MACROD2: variants seen among roughly 807,000 people sequenced by gnomAD.
The protein encoded by MACROD2 is mono-ADP ribosylhydrolase 2.
Under a neutral mutation model 70.4 loss-of-function variants are expected in MACROD2, and 36 were observed. The observed-to-expected ratio is 0.51, with a 90% confidence interval of 0.39 to 0.68. The LOEUF is 0.68. Ranked by LOEUF, MACROD2 falls within the 30% of genes least tolerant of loss-of-function variation. The probability of loss-of-function intolerance (pLI) is 0.00; values close to 1 mark genes in which losing one functional copy is unlikely to be tolerated. For synonymous variants in MACROD2, 172 were observed against 178.8 expected (o/e 0.96, Z 0.30); for missense variants, 496 against 538.4 (o/e 0.92, Z 0.78).
chr20:14,238,072 G>A (rs1252078449), intron 3 of MACROD2, among the ~76,000 whole-genome samples: 1 of 152,128 alleles, frequency 6.6e-6, no homozygotes, highest in Non-Finnish European at 1.5e-5. Context: ...TAATGGGATG[G>A]CTGGGTCAAA....
In MACROD2 at chr20:14,562,390, T is replaced by A. The variant is rs573063012; in HGVS notation, c.301+68882T>A. ...CTTGCTTCTTCTTTTGAATTCAACATTATCTTAAGTTGGTATATTTATTGT... is the reference window on the plus strand; with the variant it reads ...CTTGCTTCTTCTTTTGAATTCAACAATATCTTAAGTTGGTATATTTATTGT... On this transcript the variant is annotated intron_variant, in intron 4 of 17. Transcript: ENST00000684519. 1.3e-4 allele frequency among the ~76,000 whole-genome samples: 20 copies of A among 152,074 alleles called. 1 individual carries two copies. The South Asian group carries it at 1.4e-3, about 11-fold the overall frequency.
intron 8 of MACROD2, among the ~76,000 whole-genome samples, chr20:15,603,923 T>G (rs1353011339): frequency 6.6e-6 from 1 of 152,226 alleles, no homozygotes; most frequent in Non-Finnish European, 1.5e-5. Context: ...GGAATTGAAC[T>G]TTGGAATAAC....
At chr20:15,894,260 C>G (rs2064935912) in intron 10 of MACROD2, among the ~76,000 whole-genome samples, 1 of 152,144 alleles carries the variant, frequency 6.6e-6, no homozygotes, top group African/African-American at 2.4e-5. Flanking sequence ...GAGTTCAGAA[C>G]CAATCGAGAA....
At chr20:15,517,258 T>C (rs1277496510) in intron 8 of MACROD2, among the ~76,000 whole-genome samples, 2 of 152,038 alleles carry the variant, frequency 1.3e-5, no homozygotes, top group African/African-American at 4.8e-5. Context: ...ACCACCACAT[T>C]TGCAGGTCCC....
chr20:16,000,969 AC>A (rs2066701263), intron 15 of MACROD2, among the ~76,000 whole-genome samples: 1 of 152,232 alleles, frequency 6.6e-6, no homozygotes, highest in African/African-American at 2.4e-5. Flanking sequence ...ATGGCCACAA[AC>A]TATTATGTGA....
chr20:15,662,018 T>C (rs1268676815), intron 8 of MACROD2, among the ~76,000 whole-genome samples: 1 of 152,196 alleles, frequency 6.6e-6, no homozygotes, highest in East Asian at 1.9e-4. Context: ...TTACCACTTG[T>C]TACCCATTCT....
At chr20:15,258,095 A>G (rs1195357477) in intron 6 of MACROD2, among the ~76,000 whole-genome samples, 1 of 148,164 alleles carries the variant, frequency 6.7e-6, no homozygotes, top group Non-Finnish European at 1.5e-5. Flanking sequence ...ATATATATAG[A>G]AAAAGTATTT....
chr20:14,781,126 C>G (rs1214667151), intron 5 of MACROD2, among the ~76,000 whole-genome samples: 1 of 151,952 alleles, frequency 6.6e-6, no homozygotes, highest in Admixed American at 6.6e-5. Flanking sequence ...CTTTGCTGCT[C>G]AATAGAACAC....
chr20:15,592,412 G>A (rs890061279), intron 8 of MACROD2, among the ~76,000 whole-genome samples: 1 of 152,196 alleles, frequency 6.6e-6, no homozygotes, highest in Non-Finnish European at 1.5e-5. Flanking sequence ...TGATAGTAGA[G>A]GCAGGGTTTG....
chr20:14,685,006 CTTG>C, intron 5 of MACROD2, 47 bp downstream of exon 5: 1 of 1,420,102 alleles, frequency 7.0e-7, no homozygotes, highest in Non-Finnish European at 9.9e-7. Context: ...GACATCTTAA[CTTG>C]TTTTACTCCA....
In MACROD2 at chr20:14,757,215, A is replaced by C. The variant is rs117780557; in HGVS notation, c.418+72256A>C. 8.4e-3 allele frequency among the ~76,000 whole-genome samples: 1,275 copies of C among 152,312 alleles called. 8 individuals are homozygous for C. Among genetic ancestry groups the C allele is most frequent in the Non-Finnish European group, 0.012 (799 of 68,034 alleles). On this transcript the variant is annotated intron_variant, in intron 5 of 17. Transcript: ENST00000684519. ...AACATAATAGAAATAAAGAAGTAAT[A>C]CAAAGTTTTAGGAAAACATAGCAAA...
chr20:15,945,077 A>C (rs2065803309), intron 12 of MACROD2, among the ~76,000 whole-genome samples: 1 of 152,088 alleles, frequency 6.6e-6, no homozygotes, highest in South Asian at 2.1e-4. Context: ...TAGTCTTTCT[A>C]CTCCTCAACT....
At chr20:15,424,183 A>G (rs890867669) in intron 6 of MACROD2, among the ~76,000 whole-genome samples, 1 of 152,192 alleles carries the variant, frequency 6.6e-6, no homozygotes, top group Non-Finnish European at 1.5e-5. Context: ...ACAAACATTC[A>G]GTCTATTGCA....
intron 2 of MACROD2, among the ~76,000 whole-genome samples, chr20:14,009,502 A>G (rs2052868922): frequency 6.6e-6 from 1 of 152,206 alleles, no homozygotes; most frequent in African/African-American, 2.4e-5. Context: ...AGGAACACTG[A>G]TACACTGTTG....
intron 7 of MACROD2, among the ~76,000 whole-genome samples, chr20:15,490,712 G>A (rs1568844997): frequency 1.3e-5 from 2 of 152,278 alleles, no homozygotes; most frequent in East Asian, 3.9e-4. Flanking sequence ...GAGTGGGGAG[G>A]CTACGAAGGT....
Position 15,244,736 on chromosome 20 carries a change from C to G in MACROD2, c.540+14675C>G, listed in dbSNP as rs571432661. Among the ~76,000 whole-genome samples, 16 of 152,214 alleles carry G rather than the reference C, an allele frequency of 1.1e-4. 1 individual carries two copies. Among genetic ancestry groups the G allele is most frequent in the Middle Eastern group, 6.8e-3 (2 of 294 alleles). ...TATTAAGAATTTTACCTAACTAAAC[C>G]CTAGTACAACATTTTTTTAAATTAT... On this transcript the variant is annotated intron_variant, in intron 6 of 17. Transcript: ENST00000684519.
chr20:14,399,638 T>G (rs934144023), intron 3 of MACROD2, among the ~76,000 whole-genome samples: 1 of 152,176 alleles, frequency 6.6e-6, no homozygotes, highest in African/African-American at 2.4e-5. Flanking sequence ...CTCTGTTGTT[T>G]TTCCAAATAA....
intron 15 of MACROD2, among the ~76,000 whole-genome samples, chr20:16,023,513 A>G (rs1476711140): frequency 6.9e-6 from 1 of 145,916 alleles, no homozygotes; most frequent in African/African-American, 2.5e-5. Flanking sequence ...GCCTTGGTTT[A>G]TGGCCCTCTA....
chr20:14,416,022 G>T (rs967287088), intron 3 of MACROD2, among the ~76,000 whole-genome samples: 66 of 150,758 alleles, frequency 4.4e-4, no homozygotes, highest in African/African-American at 1.5e-3. Context: ...GCAGTGGCGC[G>T]ATCTCAGCTC....
Sources: allele counts gnomAD v4.1 joint callset (sites outside exome capture counted in the v4.1 genomes callset), GRCh38; gene constraint gnomAD v4.1.1; transcripts MANE v1.5; gene names NCBI Gene and HGNC (gene_info 2026-07-23, HGNC 2026-07-21).